SYT9: variants seen among roughly 807,000 people sequenced by gnomAD.
The protein encoded by SYT9 is synaptotagmin 9.
SYT9 carries 22 observed loss-of-function variants against 48.4 expected under a neutral mutation model. The ratio of observed to expected loss-of-function variants is 0.45; its 90% confidence interval spans 0.32 to 0.65. The LOEUF (loss-of-function observed/expected upper bound fraction) is 0.65. Ranked by LOEUF, SYT9 falls within the 30% of genes least tolerant of loss-of-function variation. SYT9 has a pLI of 0.03. For synonymous variants in SYT9, 265 were observed against 245.0 expected, an observed-to-expected ratio of 1.08 and a Z score of -0.76; for missense variants, 577 against 622.0, an observed-to-expected ratio of 0.93 and a Z score of 0.77.
intron 3 of SYT9, among the ~76,000 whole-genome samples, chr11:7,378,608 A>G (rs1458102243): frequency 6.6e-6 from 1 of 151,844 alleles, no homozygotes; most frequent in African/African-American, 2.4e-5. Flanking sequence ...GCTCCTCTCC[A>G]GGGAAACATT....
chr11:7,288,503 C>G (rs917661343), intron 1 of SYT9, among the ~76,000 whole-genome samples: 2 of 152,354 alleles, frequency 1.3e-5, no homozygotes, highest in Non-Finnish European at 2.9e-5. Context: ...TCTAGGCCTA[C>G]TGGATCATTA....
chr11:7,323,499 A>G (rs763319282), intron 3 of SYT9, among the ~76,000 whole-genome samples: 1 of 152,012 alleles, frequency 6.6e-6, no homozygotes, highest in Non-Finnish European at 1.5e-5. Context: ...ACAATCACCA[A>G]TACAAATGCC....
At chr11:7,414,735 C>A (rs1206262027) in intron 3 of SYT9, among the ~76,000 whole-genome samples, 1 of 152,012 alleles carries the variant, frequency 6.6e-6, no homozygotes, top group Non-Finnish European at 1.5e-5. Context: ...CAAAGAGATC[C>A]CTTTGCCTCA....
chr11:7,402,105 T>G (rs1443612933), intron 3 of SYT9, among the ~76,000 whole-genome samples: 1 of 152,110 alleles, frequency 6.6e-6, no homozygotes, highest in Non-Finnish European at 1.5e-5. Flanking sequence ...GTGGATAATT[T>G]GGAAAGATAT....
chr11:7,264,932 G>A (rs1171685307), intron 1 of SYT9, among the ~76,000 whole-genome samples: 1 of 152,136 alleles, frequency 6.6e-6, no homozygotes, highest in Non-Finnish European at 1.5e-5. Flanking sequence ...ATGGGCAGTT[G>A]TGGTGTAGTG....
At chr11:7,391,965 T>A (rs1028250402) in intron 3 of SYT9, among the ~76,000 whole-genome samples, 1 of 151,662 alleles carries the variant, frequency 6.6e-6, no homozygotes, top group Non-Finnish European at 1.5e-5. Flanking sequence ...CTAATGAGGT[T>A]TTTTTTTCTT....
At chr11:7,342,529 T>C (rs1849731335) in intron 3 of SYT9, among the ~76,000 whole-genome samples, 1 of 152,244 alleles carries the variant, frequency 6.6e-6, no homozygotes, top group South Asian at 2.1e-4. Flanking sequence ...GTCACACTAA[T>C]GCAAGAGGTA....
intron 1 of SYT9, among the ~76,000 whole-genome samples, chr11:7,291,118 G>A (rs1254738557): frequency 6.6e-6 from 1 of 152,182 alleles, no homozygotes; most frequent in Non-Finnish European, 1.5e-5. Context: ...TCACTCATCT[G>A]CCACCCTCCA....
chr11:7,405,926 T>C (rs1846998727), intron 3 of SYT9, among the ~76,000 whole-genome samples: 1 of 152,098 alleles, frequency 6.6e-6, no homozygotes, highest in Admixed American at 6.6e-5. Flanking sequence ...ATTAGAAGAG[T>C]CAACTAATAT....
At chr11:7,317,757 A>G (rs935941132) in intron 3 of SYT9, among the ~76,000 whole-genome samples, 1 of 152,190 alleles carries the variant, frequency 6.6e-6, no homozygotes, top group East Asian at 1.9e-4. Flanking sequence ...GCTCTGTCCT[A>G]TGTAGATTTC....
chr11:7,411,773 A>G (rs1847140629), intron 3 of SYT9, among the ~76,000 whole-genome samples: 1 of 152,150 alleles, frequency 6.6e-6, no homozygotes, highest in African/African-American at 2.4e-5. Context: ...GGAAGTTTTC[A>G]TCTATTATTT....
At chr11:7,334,750 C>T in intron 3 of SYT9, among the ~76,000 whole-genome samples, 1 of 136,130 alleles carries the variant, frequency 7.3e-6, no homozygotes, top group East Asian at 2.4e-4. Context: ...AGGTACTCCG[C>T]TTTTACTTCT....
chr11:7,319,343 G>A (rs1000492507), intron 3 of SYT9, among the ~76,000 whole-genome samples: 1 of 151,642 alleles, frequency 6.6e-6, no homozygotes, highest in African/African-American at 2.4e-5. Context: ...AAGATTGTCT[G>A]GGAATAACAA....
intron 6 of SYT9, among the ~76,000 whole-genome samples, chr11:7,423,965 C>T (rs557142964): frequency 2.2e-4 from 33 of 152,194 alleles, no homozygotes; most frequent in African/African-American, 7.9e-4. Flanking sequence ...TGTGAGTGTG[C>T]ACTCATGAGC....
chr11:7,435,470 G>A (rs565997067), intron 6 of SYT9: 17 of 152,280 alleles, frequency 1.1e-4, no homozygotes, highest in African/African-American at 3.6e-4. Context: ...TGAATTCATG[G>A]CAGACCAGGA....
intron 1 of SYT9, among the ~76,000 whole-genome samples, chr11:7,265,943 G>T (rs1179285755): frequency 6.6e-6 from 1 of 152,056 alleles, no homozygotes; most frequent in Admixed American, 6.6e-5. Context: ...CTTGATTCCT[G>T]TAGGCTATAA....
chr11:7,425,270 C>T (rs369836021), intron 6 of SYT9, among the ~76,000 whole-genome samples: 29 of 152,178 alleles, frequency 1.9e-4, no homozygotes, highest in African/African-American at 6.7e-4. Context: ...GAGAAGAGTC[C>T]GCACAGGACA....
At chr11:7,335,501 G>C (rs938386841) in intron 3 of SYT9, among the ~76,000 whole-genome samples, 1 of 151,894 alleles carries the variant, frequency 6.6e-6, no homozygotes, top group Non-Finnish European at 1.5e-5. Context: ...AGTGTTTGCT[G>C]TTCCCCTCTT....
intron 6 of SYT9, among the ~76,000 whole-genome samples, chr11:7,448,085 AG>A (rs945870471): frequency 3.3e-5 from 5 of 152,238 alleles, no homozygotes; most frequent in Admixed American, 3.3e-4. Context: ...GCCTCTCTGT[AG>A]GGGCTTTAAG....
Sources: allele counts gnomAD v4.1 joint callset (sites outside exome capture counted in the v4.1 genomes callset), GRCh38; gene constraint gnomAD v4.1.1; transcripts MANE v1.5; gene names NCBI Gene and HGNC (gene_info 2026-07-23, HGNC 2026-07-21).